Variants in RAB27A observed in about 807,000 individuals in gnomAD.
RAB27A encodes ras-related protein Rab-27A.
RAB27A carries 17 observed loss-of-function variants against 20.8 expected under a neutral mutation model. The observed-to-expected ratio is 0.82, with a 90% confidence interval of 0.56 to 1.23. The LOEUF is 1.23. Ranked by LOEUF, RAB27A falls within the 50% of genes most tolerant of loss-of-function variation. The pLI is 0.00. For synonymous variants in RAB27A, 85 were observed against 92.8 expected (o/e 0.92, Z 0.48); for missense variants, 277 against 266.7 (o/e 1.04, Z -0.27).
At chr15:55,275,943 A>AC (rs1897861460) in intron 1 of RAB27A, among the ~76,000 whole-genome samples, 1 of 145,266 alleles carries the variant, frequency 6.9e-6, no homozygotes, top group African/African-American at 2.5e-5. Context: ...AAAAAAAACA[A>AC]GAGATAAGTG....
intron 1 of RAB27A, among the ~76,000 whole-genome samples, chr15:55,275,068 T>C (rs1897825921): frequency 6.6e-6 from 1 of 150,700 alleles, no homozygotes; most frequent in Admixed American, 6.6e-5. Flanking sequence ...CTGGCCAACA[T>C]GGTAAAAGCC....
At chr15:55,267,474 G>A (rs1224006877) in intron 2 of RAB27A, among the ~76,000 whole-genome samples, 2 of 152,160 alleles carry the variant, frequency 1.3e-5, no homozygotes, top group African/African-American at 2.4e-5. Flanking sequence ...TACACCACAG[G>A]ACCTCTGCTC....
In RAB27A at chr15:55,204,567, G is replaced by C. The variant is rs1035061316; in HGVS notation, c.*940C>G. 3.9e-5 allele frequency: 6 copies of C among 152,150 alleles called. No homozygotes were observed. Among genetic ancestry groups the C allele is most frequent in the African/African-American group, 1.4e-4 (6 of 41,420 alleles). 9.4% of individuals were successfully genotyped at this position (152,150 alleles called of 1,614,324 possible). A position where few individuals can be genotyped will look rare whatever the true frequency, so the allele number is the denominator to read the frequency against. ...AGCCTGCTGGTAAAGATAGAGATGA[G>C]TAAGTTATAAGCTAATAAAGCTGCA... is the stretch of plus-strand genomic sequence containing the variant. On this transcript the variant is annotated 3_prime_UTR_variant, in exon 7 of 7. Coordinates refer to ENST00000336787, the MANE Select transcript of RAB27A (RefSeq NM_183235.3).
intron 6 of RAB27A, among the ~76,000 whole-genome samples, chr15:55,206,536 T>A (rs1053911848): frequency 1.3e-5 from 2 of 151,988 alleles, no homozygotes; most frequent in Non-Finnish European, 2.9e-5. Context: ...AGAGACAGGG[T>A]TTTACCATGT....
At chr15:55,268,805 T>C (rs991091226) in intron 2 of RAB27A, among the ~76,000 whole-genome samples, 9 of 152,194 alleles carry the variant, frequency 5.9e-5, no homozygotes, top group African/African-American at 1.9e-4. Context: ...CGGTTATGGA[T>C]TGAATTGTGT....
At chr15:55,232,995 G>A (rs1228208612) in intron 3 of RAB27A, among the ~76,000 whole-genome samples, 1 of 151,890 alleles carries the variant, frequency 6.6e-6, no homozygotes, top group Non-Finnish European at 1.5e-5. Flanking sequence ...TGTGGTGGCG[G>A]GTGCCTGTAA....
chr15:55,228,208 T>C (rs1226693122), intron 5 of RAB27A, among the ~76,000 whole-genome samples: 1 of 152,178 alleles, frequency 6.6e-6, no homozygotes, highest in Non-Finnish European at 1.5e-5. Context: ...TATCTGCATC[T>C]ATGTAATACC....
At chr15:55,234,722 A>G in intron 3 of RAB27A, 60 bp downstream of exon 3, 1 of 1,533,626 alleles carries the variant, frequency 6.5e-7, no homozygotes. Flanking sequence ...AGTAAACTAA[A>G]CAGACCAGCA....
chr15:55,241,990 C>CCT (rs140483104), intron 2 of RAB27A, among the ~76,000 whole-genome samples: 10 of 149,806 alleles, frequency 6.7e-5, no homozygotes, highest in East Asian at 2.0e-4. Context: ...TCTATTTCTC[C>CCT]CTCTCTCTCT....
chr15:55,273,998 C>G (rs1192010013), intron 1 of RAB27A, among the ~76,000 whole-genome samples: 7 of 152,072 alleles, frequency 4.6e-5, no homozygotes, highest in Non-Finnish European at 8.8e-5. Flanking sequence ...TACAGTAGGC[C>G]ACAAAACAAG....
upstream of RAB27A, among the ~76,000 whole-genome samples, chr15:55,292,657 AG>A (rs1251611151): frequency 2.0e-5 from 3 of 152,236 alleles, no homozygotes; most frequent in African/African-American, 7.2e-5. Context: ...ACCAGGAGGA[AG>A]GGTGAAATAG....
chr15:55,274,291 A>G (rs932788587), intron 1 of RAB27A, among the ~76,000 whole-genome samples: 3 of 152,158 alleles, frequency 2.0e-5, no homozygotes, highest in African/African-American at 7.2e-5. Context: ...CCATTAAGAA[A>G]AAAGAAAGAT....
In RAB27A at chr15:55,223,998, G is replaced by T; in HGVS notation, c.358C>A (p.His120Asn). The T allele has an allele frequency of 1.3e-6, 2 of 1,581,638 alleles. No individual in the cohort carries two copies. Among genetic ancestry groups the T allele is most frequent in the Non-Finnish European group, 1.7e-6 (2 of 1,150,686 alleles). ...VRNWISQLQMHAYCENPDIVL... is the reference protein window; with the variant it reads ...VRNWISQLQMNAYCENPDIVL... Reference sequence around the variant, plus strand: ...ATATCTGGGTTTTCACAATATGCATGCATCTGTAGCTGGCCTATTAATATA... The same window carrying T: ...ATATCTGGGTTTTCACAATATGCATTCATCTGTAGCTGGCCTATTAATATA... The change falls in exon 6 of 7, where the codon CAT becomes AAT. Residue 120 changes from histidine to asparagine, a missense_variant. His to Asn is a moderately conservative substitution (Grantham distance 68). Coordinates refer to ENST00000336787, the MANE Select transcript of RAB27A (RefSeq NM_183235.3).
At position 55,228,550 on chromosome 15, in the gene RAB27A, G is replaced by A. The variant is rs932606340; in HGVS notation, c.343+59C>T. 1.3e-5 allele frequency: 16 copies of A among 1,245,312 alleles called. No homozygotes were observed. The African/African-American group carries it at 1.8e-4, about 14-fold the overall frequency. The allele number at this position is 1,245,312 out of a possible 1,614,324, so 77.1% of individuals were successfully genotyped here. A position where few individuals can be genotyped will look rare whatever the true frequency, so the allele number is the denominator to read the frequency against. On this transcript the variant is annotated intron_variant, in intron 5 of 6. Transcript: ENST00000336787. The stretch of plus-strand genomic sequence containing the variant: ...TTGTCACAGAAGTAGAGCATAAGAG[G>A]GCATTCTATAAATAAGAGGGGACTG...
At chr15:55,217,539 C>T (rs113726892) in intron 6 of RAB27A, among the ~76,000 whole-genome samples, 15,632 of 151,326 alleles carry the variant, frequency 0.1, 995 homozygotes, top group Admixed American at 0.19. Context: ...GTGGTGCACA[C>T]CTGTAGCCCC....
chr15:55,300,943 T>G (rs1200172336), intron 2 of RAB27A, among the ~76,000 whole-genome samples: 1 of 152,182 alleles, frequency 6.6e-6, no homozygotes, highest in Non-Finnish European at 1.5e-5. Flanking sequence ...ATAACCATTC[T>G]CTTGCTCTTT....
chr15:55,221,776 A>G (rs1895582235), intron 6 of RAB27A, among the ~76,000 whole-genome samples: 1 of 152,072 alleles, frequency 6.6e-6, no homozygotes, highest in Non-Finnish European at 1.5e-5. Flanking sequence ...TCTTATTGTC[A>G]TAAACCTGCA....
At chr15:55,215,918 G>A (rs1217770026) in intron 6 of RAB27A, among the ~76,000 whole-genome samples, 1 of 142,946 alleles carries the variant, frequency 7.0e-6, no homozygotes, top group Non-Finnish European at 1.5e-5. Flanking sequence ...GGCACTCAAG[G>A]CTGGGCAACA....
chr15:55,220,241 T>TTTTG (rs541066166), intron 6 of RAB27A, among the ~76,000 whole-genome samples: 176 of 149,874 alleles, frequency 1.2e-3, no homozygotes, highest in Admixed American at 8.2e-4. Context: ...TCTGGGGTTT[T>TTTTG]TTTGTTTGTT....
Sources: gnomAD v4.1 joint callset for allele counts (sites outside exome capture counted in the v4.1 genomes callset) on GRCh38, gnomAD v4.1.1 for gene constraint, MANE v1.5 for transcripts, NCBI Gene and HGNC (gene_info 2026-07-23, HGNC 2026-07-21) for gene names.